Variants in CNTNAP2 observed in about 807,000 individuals in gnomAD.
The protein encoded by CNTNAP2 is contactin-associated protein-like 2.
CNTNAP2 carries 98 observed loss-of-function variants against 155.2 expected under a neutral mutation model. That is an observed-to-expected ratio of 0.63 (90% CI 0.54 to 0.75). CNTNAP2 has a LOEUF of 0.75. CNTNAP2 is among the 30% of genes least tolerant of loss of function. The probability of loss-of-function intolerance (pLI) is 0.00; values close to 1 mark genes in which losing one functional copy is unlikely to be tolerated. For synonymous variants in CNTNAP2, 651 were observed against 631.2 expected, an observed-to-expected ratio of 1.03 and a Z score of -0.47; for missense variants, 1,727 against 1,688.1, an observed-to-expected ratio of 1.02 and a Z score of -0.40.
intron 21 of CNTNAP2, among the ~76,000 whole-genome samples, chr7:148,326,137 G>GTT (rs55932829): frequency 0.04 from 6,023 of 149,314 alleles, 169 homozygotes; most frequent in South Asian, 0.076. Flanking sequence ...ATGCAAACAG[G>GTT]TTTTTTTTTT....
chr7:146,730,203 A>G (rs1331755798), intron 1 of CNTNAP2, among the ~76,000 whole-genome samples: 1 of 151,758 alleles, frequency 6.6e-6, no homozygotes, highest in Admixed American at 6.6e-5. Context: ...TAACATTTAA[A>G]ATAAATAGAT....
chr7:146,972,726 A>G (rs1797828522), intron 3 of CNTNAP2, among the ~76,000 whole-genome samples: 1 of 152,220 alleles, frequency 6.6e-6, no homozygotes. Flanking sequence ...AATGTTCTGC[A>G]GCATTCAAAA....
intron 13 of CNTNAP2, 60 bp downstream of exon 13, chr7:147,639,366 T>A: frequency 6.6e-7 from 1 of 1,504,178 alleles, no homozygotes; most frequent in Non-Finnish European, 9.2e-7. Context: ...TAGAATTGCC[T>A]AAAGAATCCA....
intron 3 of CNTNAP2, among the ~76,000 whole-genome samples, chr7:146,845,635 T>G (rs1056824026): frequency 6.6e-6 from 1 of 152,224 alleles, no homozygotes; most frequent in African/African-American, 2.4e-5. Context: ...CAGATTCCCT[T>G]TACCTCTTTT....
intron 21 of CNTNAP2, among the ~76,000 whole-genome samples, chr7:148,314,517 G>T (rs1213890067): frequency 1.3e-5 from 2 of 152,262 alleles, no homozygotes; most frequent in East Asian, 3.9e-4. Flanking sequence ...GAAGAAGGGG[G>T]AATGGAGGGT....
chr7:146,142,470 A>G (rs956762477), intron 1 of CNTNAP2, among the ~76,000 whole-genome samples: 30 of 152,302 alleles, frequency 2.0e-4, no homozygotes, highest in African/African-American at 6.7e-4. Flanking sequence ...AAGAACACCC[A>G]AGTTTTCATG....
intron 1 of CNTNAP2, among the ~76,000 whole-genome samples, chr7:146,245,974 G>T (rs1414528012): frequency 7.0e-6 from 1 of 142,998 alleles, no homozygotes; most frequent in East Asian, 1.9e-4. Flanking sequence ...GGTTGATAAG[G>T]CATAGATCCT....
intron 21 of CNTNAP2, among the ~76,000 whole-genome samples, chr7:148,309,040 T>C (rs1324270409): frequency 6.6e-6 from 1 of 152,194 alleles, no homozygotes; most frequent in Non-Finnish European, 1.5e-5. Flanking sequence ...TAAACATACA[T>C]GTGCATGTGT....
intron 2 of CNTNAP2, among the ~76,000 whole-genome samples, chr7:146,774,905 G>C (rs921260662): frequency 1.3e-5 from 2 of 152,116 alleles, no homozygotes; most frequent in African/African-American, 4.8e-5. Context: ...GTGAGTTCTT[G>C]ACCTTAAATC....
At chr7:147,239,109 A>G (rs1228182498) in intron 8 of CNTNAP2, among the ~76,000 whole-genome samples, 2 of 152,208 alleles carry the variant, frequency 1.3e-5, no homozygotes, top group African/African-American at 2.4e-5. Context: ...TGTTTTTAAG[A>G]ACCTATCAAA....
rs1563079536 is a variant in CNTNAP2, at chr7:148,413,440, ATATATATT to A, written c.3797-1976_3797-1969del. On this transcript the variant is annotated intron_variant, in intron 23 of 23. Transcript: ENST00000361727. Reference sequence around the variant, plus strand: ...TATATATATATATATATATATATATATATATATTGCTCCATAGTTTTCTTGTAACATTT... The same window carrying A: ...TATATATATATATATATATATATATAGCTCCATAGTTTTCTTGTAACATTT... 2.1e-4 allele frequency among the ~76,000 whole-genome samples: 23 copies of A among 109,978 alleles called. 2 individuals are homozygous for A. Among genetic ancestry groups the A allele is most frequent in the African/African-American group, 8.7e-4 (23 of 26,552 alleles). The allele number at this position is 109,978 out of a possible 152,430, so 72.1% of individuals were successfully genotyped here.
rs551973501 is a variant in CNTNAP2, at chr7:146,690,243, G to T, written c.98-84028G>T. On this transcript the variant is annotated intron_variant, in intron 1 of 23. Transcript: ENST00000361727. ...AATTGCATAAATTACAAACTTTGCTGCTAGGCCTTCAGTCCACAATTCACT... is the reference window on the plus strand; with the variant it reads ...AATTGCATAAATTACAAACTTTGCTTCTAGGCCTTCAGTCCACAATTCACT... Among the ~76,000 whole-genome samples, 31 of 152,222 alleles carry T rather than the reference G, an allele frequency of 2.0e-4. No individual in the cohort carries two copies. In the South Asian group the frequency reaches 6.4e-3, roughly 32 times the overall value.
chr7:146,329,644 T>C (rs1341424317), intron 1 of CNTNAP2, among the ~76,000 whole-genome samples: 1 of 152,214 alleles, frequency 6.6e-6, no homozygotes, highest in African/African-American at 2.4e-5. Flanking sequence ...TTATGTCAGT[T>C]TCTCTACTCT....
chr7:147,238,471 T>G (rs1057343316), intron 8 of CNTNAP2, among the ~76,000 whole-genome samples: 2 of 152,128 alleles, frequency 1.3e-5, no homozygotes, highest in African/African-American at 2.4e-5. Context: ...TCTTTCTAAA[T>G]AGTCATCTAA....
At chr7:147,871,386 G>A (rs77531291) in intron 13 of CNTNAP2, among the ~76,000 whole-genome samples, 5,923 of 152,150 alleles carry the variant, frequency 0.039, 365 homozygotes, top group African/African-American at 0.14. Flanking sequence ...TACTGGGCTC[G>A]GGCTTTACAA....
At chr7:146,858,564 T>C (rs1452928707) in intron 3 of CNTNAP2, among the ~76,000 whole-genome samples, 4 of 152,134 alleles carry the variant, frequency 2.6e-5, no homozygotes, top group Non-Finnish European at 4.4e-5. Context: ...CATGGTGGCA[T>C]ATGCCTGTAG....
At chr7:147,073,513 G>A (rs934495044) in intron 4 of CNTNAP2, among the ~76,000 whole-genome samples, 2 of 152,126 alleles carry the variant, frequency 1.3e-5, no homozygotes, top group African/African-American at 2.4e-5. Context: ...CATAGGAGAG[G>A]TAATTGAAAC....
At chr7:146,372,315 A>G (rs1203496930) in intron 1 of CNTNAP2, among the ~76,000 whole-genome samples, 1 of 152,222 alleles carries the variant, frequency 6.6e-6, no homozygotes, top group Non-Finnish European at 1.5e-5. Flanking sequence ...AATGGCTTAT[A>G]TGTATTATAA....
intron 1 of CNTNAP2, among the ~76,000 whole-genome samples, chr7:146,473,087 G>A (rs1796823396): frequency 6.6e-6 from 1 of 151,862 alleles, no homozygotes; most frequent in Non-Finnish European, 1.5e-5. Flanking sequence ...TTAAAGAAAT[G>A]TTGAGCCTAC....
Sources: gnomAD v4.1 joint callset for allele counts (sites outside exome capture counted in the v4.1 genomes callset) on GRCh38, gnomAD v4.1.1 for gene constraint, MANE v1.5 for transcripts, NCBI Gene and HGNC (gene_info 2026-07-23, HGNC 2026-07-21) for gene names.